Variants in ITIH6 observed in about 807,000 individuals in gnomAD.
ITIH6 encodes inter-alpha-trypsin inhibitor heavy chain H6.
ITIH6 carries 60 observed loss-of-function variants against 58.2 expected under a neutral mutation model. The observed-to-expected ratio is 1.03, with a 90% CI of 0.84 to 1.28. ITIH6 has a LOEUF of 1.28. Ranked by LOEUF, ITIH6 falls within the 50% of genes most tolerant of loss-of-function variation. The pLI is 0.00. For missense variants in ITIH6, 1,290 were observed against 1,021.1 expected (o/e 1.26, Z -3.59); for synonymous variants, 493 against 417.4 (o/e 1.18, Z -2.21).
Position 54,750,949 on chromosome X carries a change from G to A in ITIH6, c.3730+54C>T. On this transcript the variant is annotated intron_variant, in intron 12 of 12. Transcript: ENST00000218436. ...ATATACATGCCTTTCACCCTGGCAG[G>A]GTCTTTTTGGTGGCTGGTGCTCCCT... 3.7e-6 allele frequency: 4 copies of A among 1,086,351 alleles called. No homozygotes were observed. The South Asian group carries it at 9.3e-5, about 25-fold the overall frequency. The allele number at this position is 1,086,351 out of a possible 1,213,427, so 89.5% of individuals were successfully genotyped here.
chrX:54,776,500 C>T (rs1052837816), intron 5 of ITIH6, among the ~76,000 whole-genome samples: 7 of 109,661 alleles, frequency 6.4e-5, no homozygotes, highest in African/African-American at 2.3e-4. Context: ...CTCCTCTAAC[C>T]CCAGGCTCCA....
rs191086610 is a variant in ITIH6, at chrX:54,790,431, C to T, written c.616+406G>A. On this transcript the variant is annotated intron_variant, in intron 4 of 12. Coordinates refer to ENST00000218436, the MANE Select transcript of ITIH6 (RefSeq NM_198510.3). ...GCCTGAGATGGTGTCCTCCAGGGAG[C>T]CTGCACTTGCTGTGCACTCACTCTC... Among the ~76,000 whole-genome samples the T allele has an allele frequency of 5.4e-3, 608 of 112,377 alleles. 2 individuals are homozygous for T. Among genetic ancestry groups the T allele is most frequent in the Non-Finnish European group, 8.8e-3 (468 of 53,189 alleles).
At chrX:54,786,099 C>T (rs1269346086) in intron 5 of ITIH6, among the ~76,000 whole-genome samples, 1 of 112,210 alleles carries the variant, frequency 8.9e-6, no homozygotes, top group Non-Finnish European at 1.9e-5. Flanking sequence ...CGTTGTACTG[C>T]CCCCACGTGG....
intron 11 of ITIH6, among the ~76,000 whole-genome samples, chrX:54,751,853 T>C (rs766853877): frequency 8.9e-6 from 1 of 112,145 alleles, no homozygotes; most frequent in Non-Finnish European, 1.9e-5. Context: ...TGTCAGTGTG[T>C]GCATCTGGAT....
chrX:54,765,589 C>CTTT (rs1160258384), intron 6 of ITIH6, among the ~76,000 whole-genome samples: 2 of 95,844 alleles, frequency 2.1e-5, no homozygotes, highest in African/African-American at 7.4e-5. Flanking sequence ...GGCATTATTT[C>CTTT]TTTTCTTTTT....
Position 54,751,011 on chromosome X carries a change from C to T in ITIH6, c.3722G>A (p.Gly1241Asp), listed in dbSNP as rs1302526349. 6 of 1,158,894 alleles carry T rather than the reference C, an allele frequency of 5.2e-6. No homozygotes were observed. The highest frequency in any genetic ancestry group is 6.9e-6 in the Non-Finnish European group (6 of 867,952). ...NGSGLSPSAR[G>D]LIGQFQHADI... The stretch of plus-strand genomic sequence containing the variant: ...GCCTCAGCTGCACTTACCTATCAGG[C>T]CACGGGCTGAGGGGCTGAGGCCTGA... Residue 1241 changes from glycine (G) to aspartate (D), a missense_variant, in exon 12 of 13, where the codon GGC becomes GAC. Coordinates refer to ENST00000218436, the MANE Select transcript of ITIH6 (RefSeq NM_198510.3).
At chrX:54,772,629 C>T (rs1220381861) in intron 6 of ITIH6, among the ~76,000 whole-genome samples, 2 of 112,323 alleles carry the variant, frequency 1.8e-5, no homozygotes, top group East Asian at 2.8e-4. Flanking sequence ...TTTTAGCATG[C>T]CTTCTCATTT....
chrX:54,764,501 T>C (rs1355393383), intron 6 of ITIH6, among the ~76,000 whole-genome samples: 1 of 107,291 alleles, frequency 9.3e-6, no homozygotes, highest in Non-Finnish European at 1.9e-5. Context: ...TGAGTGAGAA[T>C]ATGCAGTGTT....
intron 5 of ITIH6, among the ~76,000 whole-genome samples, chrX:54,774,642 C>T (rs1929019667): frequency 8.9e-6 from 1 of 112,808 alleles, no homozygotes; most frequent in African/African-American, 3.2e-5. Context: ...GTTGCAGGGC[C>T]TCCCTCTCCT....
intron 11 of ITIH6, 113 bp from the exon 12 acceptor site, chrX:54,751,493 C>T: frequency 2.3e-6 from 2 of 858,046 alleles, no homozygotes; most frequent in South Asian, 5.0e-5. Context: ...AGGGCCGACT[C>T]CTGAGAGAAC....
At chrX:54,755,474 T>C (rs750300082) in intron 8 of ITIH6, among the ~76,000 whole-genome samples, 18 of 111,244 alleles carry the variant, frequency 1.6e-4, no homozygotes, top group Non-Finnish European at 3.2e-4. Context: ...TGATAAATGC[T>C]ATTGGAAAAA....
intron 8 of ITIH6, 28 bp from the exon 9 acceptor site, chrX:54,755,137 C>A: frequency 8.7e-7 from 1 of 1,146,325 alleles, no homozygotes; most frequent in Non-Finnish European, 1.2e-6. Context: ...AATAAGAAAA[C>A]CCTTCAAATT....
chrX:54,797,990 G>T, intron 1 of ITIH6, 119 bp downstream of exon 1: 1 of 483,643 alleles, frequency 2.1e-6, no homozygotes, highest in Non-Finnish European at 3.5e-6. Flanking sequence ...TCTTTTCTCT[G>T]GCTCTAGTTT....
Position 54,755,103 on chromosome X carries a change from G to T in ITIH6, c.3116C>A (p.Pro1039Gln). 1 of 1,201,648 alleles carries T rather than the reference G, an allele frequency of 8.3e-7. No individual in the cohort carries two copies. Among genetic ancestry groups the T allele is most frequent in the Non-Finnish European group, 1.1e-6 (1 of 887,399 alleles). ...CTCCTCAGAATTGCCATCCCAGTTT[G>T]GACTTCCTGCCAAGCACAAAAGAAA... ...TFLTPDEDGS[P>Q]NWDGNSEEIL... is the part of the protein sequence containing the mutation. The change falls in exon 9 of 13, where the codon CCA becomes CAA. Residue 1039 changes from proline to glutamine, a missense_variant. Transcript: ENST00000218436.
At chrX:54,784,150 C>G (rs757784807) in intron 5 of ITIH6, among the ~76,000 whole-genome samples, 2 of 111,614 alleles carry the variant, frequency 1.8e-5, no homozygotes, top group Non-Finnish European at 3.8e-5. Flanking sequence ...AATAATGAAA[C>G]TAGACCTCTC....
In ITIH6 at chrX:54,775,090, C is replaced by G. The variant is rs764068934; in HGVS notation, c.787-893G>C. Among the ~76,000 whole-genome samples the G allele has an allele frequency of 2.7e-5, 3 of 111,845 alleles. No homozygotes were observed. The Admixed American group carries it at 2.8e-4, about 11-fold the overall frequency. On this transcript the variant is annotated intron_variant, in intron 5 of 12. Coordinates refer to ENST00000218436, the MANE Select transcript of ITIH6 (RefSeq NM_198510.3). ...AGACATCTGCTCTTCCCCCTCCACC[C>G]CAGCCTTTGAATTAATTCACATGTG...
chrX:54,752,191 C>G (rs1415538239), intron 11 of ITIH6, among the ~76,000 whole-genome samples: 1 of 111,424 alleles, frequency 9.0e-6, no homozygotes, highest in African/African-American at 3.3e-5. Context: ...GGATGGATTT[C>G]AAAATTTTTT....
intron 5 of ITIH6, among the ~76,000 whole-genome samples, chrX:54,774,850 G>T (rs1187260947): frequency 1.8e-5 from 2 of 112,032 alleles, no homozygotes; most frequent in East Asian, 5.7e-4. Context: ...GGACAGCTGA[G>T]GGAAGGGGAG....
intron 5 of ITIH6, among the ~76,000 whole-genome samples, chrX:54,784,700 C>T (rs867259681): frequency 4.2e-4 from 47 of 111,346 alleles, no homozygotes; most frequent in African/African-American, 1.2e-3. Flanking sequence ...TAAGAAATGC[C>T]GGCGAGGATG....
Sources: allele counts gnomAD v4.1 joint callset (sites outside exome capture counted in the v4.1 genomes callset), GRCh38; gene constraint gnomAD v4.1.1; transcripts MANE v1.5; gene names NCBI Gene and HGNC (gene_info 2026-07-23, HGNC 2026-07-21).